Variants in SLC16A14 observed in about 807,000 individuals in gnomAD.
The protein encoded by SLC16A14 is solute carrier family 16 member 14.
In SLC16A14, 14 loss-of-function variants were observed where a neutral mutation model predicts 35.8. The observed-to-expected ratio is 0.39, with a 90% CI of 0.26 to 0.61. The LOEUF is 0.61. Ranked by LOEUF, SLC16A14 falls within the 20% of genes least tolerant of loss-of-function variation. SLC16A14 has a pLI of 0.51. For synonymous variants in SLC16A14, 248 were observed against 258.9 expected, an observed-to-expected ratio of 0.96 and a Z score of 0.40; for missense variants, 533 against 655.0, an observed-to-expected ratio of 0.81 and a Z score of 2.03.
intron 1 of SLC16A14, among the ~76,000 whole-genome samples, chr2:230,064,800 C>T (rs912994353): frequency 6.6e-6 from 1 of 152,084 alleles, no homozygotes; most frequent in Non-Finnish European, 1.5e-5. Context: ...CACCTGAGGT[C>T]GGGAGTGTGA....
At chr2:230,059,072 G>A (rs372669928) in intron 2 of SLC16A14, 22 bp downstream of exon 2, 40 of 1,559,498 alleles carry the variant, frequency 2.6e-5, no homozygotes, top group Non-Finnish European at 3.0e-5. Flanking sequence ...TCAGTTTTAC[G>A]ACAGGTCACA....
At chr2:230,045,174 C>A (rs1348850141) in intron 4 of SLC16A14, among the ~76,000 whole-genome samples, 1 of 152,228 alleles carries the variant, frequency 6.6e-6, no homozygotes, top group Non-Finnish European at 1.5e-5. Flanking sequence ...ATCACCCCAT[C>A]CACTTTATTT....
Position 230,053,549 on chromosome 2 carries a change from G to A in SLC16A14, c.260-3645C>T, listed in dbSNP as rs544108651. ...TGTAATCTCAGCACTTTGGGAGGCC[G>A]AGGTGGGTGGATCACGAGGTCAGGA... On this transcript the variant is annotated intron_variant, in intron 2 of 4. Coordinates refer to ENST00000295190, the MANE Select transcript of SLC16A14 (RefSeq NM_152527.5). 1.2e-3 allele frequency among the ~76,000 whole-genome samples: 183 copies of A among 152,266 alleles called. 1 individual carries two copies. The highest frequency in any genetic ancestry group is 2.2e-3 in the Non-Finnish European group (149 of 68,022).
rs2077516245 is a variant in SLC16A14 at position 230,036,022 on chromosome 2, AG to A, written c.*1357del. On this transcript the variant is annotated 3_prime_UTR_variant, in exon 5 of 5. Coordinates refer to ENST00000295190, the MANE Select transcript of SLC16A14 (RefSeq NM_152527.5). ...ATTGAGAATGGGCTGTATTCACTTT[AG>A]GTAAATTTGACCTAAGACACTGGCA... 6.6e-6 allele frequency: 1 copy of A among 152,604 alleles called. No homozygotes were observed. Among genetic ancestry groups the A allele is most frequent in the Non-Finnish European group, 1.5e-5 (1 of 68,014 alleles). The allele number at this position is 152,604 out of a possible 1,614,324, so 9.5% of individuals were successfully genotyped here. A position where few individuals can be genotyped will look rare whatever the true frequency, so the allele number is the denominator to read the frequency against.
intron 1 of SLC16A14, among the ~76,000 whole-genome samples, chr2:230,064,308 G>A (rs1027840535): frequency 7.9e-5 from 12 of 151,060 alleles, no homozygotes; most frequent in East Asian, 3.9e-4. Context: ...GTGTGTGTGT[G>A]TGTGTATGTG....
rs571249702 is a variant in SLC16A14 at position 230,059,063 on chromosome 2, C to T, written c.259+31G>A. 1.6e-4 allele frequency: 244 copies of T among 1,536,976 alleles called. 3 individuals are homozygous for T. The South Asian group carries it at 2.9e-3, about 18-fold the overall frequency. ...GGGGAATTGTCATTTGATAACGATT[C>T]AGTTTTACGACAGGTCACACATGAA... On this transcript the variant is annotated intron_variant, in intron 2 of 4. Coordinates refer to ENST00000295190, the MANE Select transcript of SLC16A14 (RefSeq NM_152527.5).
chr2:230,039,118 T>C (rs996792861), intron 4 of SLC16A14, among the ~76,000 whole-genome samples: 1 of 151,612 alleles, frequency 6.6e-6, no homozygotes, highest in African/African-American at 2.4e-5. Context: ...TATCTCTTTG[T>C]TTATTGTATC....
chr2:230,045,838 C>T lies in SLC16A14; in HGVS notation c.1288G>A (p.Glu430Lys). The change falls in exon 4 of 5, where the codon GAA becomes AAA. Residue 430 changes from glutamate to lysine, a missense_variant. Physicochemically the swap from Glu to Lys is moderately conservative, Grantham distance 56. Coordinates refer to ENST00000295190, the MANE Select transcript of SLC16A14 (RefSeq NM_152527.5). Reference sequence around the variant, plus strand: ...AGGTGTTCAATGCCAACCAAGTCTTCAGTCACTACGGGCATTAGGGAGAAA... The same window carrying T: ...AGGTGTTCAATGCCAACCAAGTCTTTAGTCACTACGGGCATTAGGGAGAAA... ...GYFSLMPVVT[E>K]DLVGIEHLAN... is the part of the protein sequence containing the mutation. 1 of 1,614,194 alleles carries T rather than the reference C, an allele frequency of 6.2e-7. No homozygotes were observed. Among genetic ancestry groups the T allele is most frequent in the Non-Finnish European group, 8.5e-7 (1 of 1,180,046 alleles).
Position 230,038,789 on chromosome 2 carries a change from C to T in SLC16A14, c.1382-1258G>A, listed in dbSNP as rs1041411901. Among the ~76,000 whole-genome samples, 2 of 152,038 alleles carry T rather than the reference C, an allele frequency of 1.3e-5. No individual in the cohort carries two copies. The highest frequency in any genetic ancestry group is 2.1e-4 in the South Asian group (1 of 4,814). On this transcript the variant is annotated intron_variant, in intron 4 of 4. Transcript: ENST00000295190. The surrounding 1 kb of genome is among the most constrained non-coding windows in gnomAD (Gnocchi z 4.4). Reference sequence around the variant, plus strand: ...GGGTGTGGTGGTGCATGTCTATAATCCCAGCTACCCAGGAGGCTGAGGCAT... The same window carrying T: ...GGGTGTGGTGGTGCATGTCTATAATTCCAGCTACCCAGGAGGCTGAGGCAT...
At chr2:230,048,402 A>G (rs774737500) in intron 3 of SLC16A14, among the ~76,000 whole-genome samples, 23 of 152,224 alleles carry the variant, frequency 1.5e-4, no homozygotes, top group Non-Finnish European at 2.9e-4. Context: ...TTAAAATGCA[A>G]TTGTACAAGT....
intron 1 of SLC16A14, among the ~76,000 whole-genome samples, chr2:230,060,043 C>G (rs1052125453): frequency 6.6e-6 from 1 of 152,172 alleles, no homozygotes; most frequent in Non-Finnish European, 1.5e-5. Context: ...AACCCCATTC[C>G]TAGTATTTAC....
intron 1 of SLC16A14, among the ~76,000 whole-genome samples, chr2:230,062,253 C>T (rs750378441): frequency 2.0e-5 from 3 of 151,658 alleles, no homozygotes; most frequent in African/African-American, 4.8e-5. Context: ...CTGATGTGGA[C>T]GGGTAGGAGA....
chr2:230,045,004 A>G (rs2077592223), intron 4 of SLC16A14, among the ~76,000 whole-genome samples: 1 of 152,126 alleles, frequency 6.6e-6, no homozygotes, highest in Non-Finnish European at 1.5e-5. Flanking sequence ...GTGTTTTGGA[A>G]ATCTGTTAGT....
At chr2:230,058,995 T>A (rs923861163) in intron 2 of SLC16A14, 99 bp downstream of exon 2, 1 of 1,494,594 alleles carries the variant, frequency 6.7e-7, no homozygotes, top group African/African-American at 1.4e-5. Context: ...GCTAGTAACA[T>A]CCAATATCGA....
At chr2:230,053,839 C>G (rs2077681806) in intron 2 of SLC16A14, among the ~76,000 whole-genome samples, 1 of 152,048 alleles carries the variant, frequency 6.6e-6, no homozygotes, top group Non-Finnish European at 1.5e-5. Flanking sequence ...TTTTATTGAC[C>G]CATCCTGGCA....
chr2:230,065,430 A>G (rs958381396), intron 1 of SLC16A14, among the ~76,000 whole-genome samples: 2 of 151,984 alleles, frequency 1.3e-5, no homozygotes, highest in Non-Finnish European at 2.9e-5. Context: ...TAATTTTTGT[A>G]TTTTTGTAGA....
At chr2:230,045,703 A>T in intron 4 of SLC16A14, 42 bp downstream of exon 4, 1 of 1,610,662 alleles carries the variant, frequency 6.2e-7, no homozygotes, top group Non-Finnish European at 8.5e-7. Context: ...AACGCACCAT[A>T]TGTACATGCA....
At chr2:230,063,401 C>T (rs1396588433) in intron 1 of SLC16A14, among the ~76,000 whole-genome samples, 2 of 151,884 alleles carry the variant, frequency 1.3e-5, no homozygotes. Flanking sequence ...TTCTCTCCTT[C>T]CCCTCCTCTC....
In SLC16A14 at chr2:230,049,719, T is replaced by C. The variant is rs2077641871; in HGVS notation, c.403+42A>G. 1 of 1,600,358 alleles carries C rather than the reference T, an allele frequency of 6.2e-7. No homozygotes were observed. The highest frequency in any genetic ancestry group is 8.6e-7 in the Non-Finnish European group (1 of 1,169,192). The stretch of plus-strand genomic sequence containing the variant: ...TTAAATCCACTGCCAAGATGTCTTA[T>C]AAAACATTTAAAATCGAGTTTAAAA... On this transcript the variant is annotated intron_variant, in intron 3 of 4. Transcript: ENST00000295190.
Sources: gnomAD v4.1 joint callset for allele counts (sites outside exome capture counted in the v4.1 genomes callset) on GRCh38, gnomAD v4.1.1 for gene constraint, Gnocchi (gnomAD v3.1) non-coding constraint, MANE v1.5 for transcripts, NCBI Gene and HGNC (gene_info 2026-07-23, HGNC 2026-07-21) for gene names.